The following RBMS3 variants were observed in gnomAD, a reference collection of about 807,000 sequenced individuals.
RBMS3 encodes RNA-binding motif, single-stranded-interacting protein 3.
RBMS3 carries 27 observed loss-of-function variants against 66.8 expected under a neutral mutation model. That is an observed-to-expected ratio of 0.40 (90% CI 0.30 to 0.56). The LOEUF (loss-of-function observed/expected upper bound fraction) is 0.56. Ranked by LOEUF, RBMS3 falls within the 20% of genes least tolerant of loss-of-function variation. The pLI, the probability that RBMS3 is intolerant of heterozygous loss-of-function variation, is 0.40. For missense variants in RBMS3, 513 were observed against 549.5 expected (o/e 0.93, Z 0.66); for synonymous variants, 188 against 183.0 (o/e 1.03, Z -0.22).
At chr3:29,955,451 G>T (rs1379745601) in intron 12 of RBMS3, among the ~76,000 whole-genome samples, 2 of 151,944 alleles carry the variant, frequency 1.3e-5, no homozygotes, top group African/African-American at 2.4e-5. Flanking sequence ...TAAGAGAAAT[G>T]ATATTTTTGG....
rs148653270 is a variant in RBMS3, at chr3:30,008,235, C to T, written c.*4373C>T. ...ACGACTGAGGAGAAGTTTCAATAGG[C>T]TGTCTAGACATTATGATGTTAATAG... On this transcript the variant is annotated 3_prime_UTR_variant, in exon 15 of 15. Coordinates refer to ENST00000383767, the MANE Select transcript of RBMS3 (RefSeq NM_001003793.3). 1 of 151,930 alleles carries T rather than the reference C, an allele frequency of 6.6e-6. No individual in the cohort carries two copies. The highest frequency in any genetic ancestry group is 1.5e-5 in the Non-Finnish European group (1 of 67,956). The allele number at this position is 151,930 out of a possible 1,614,324, so 9.4% of individuals were successfully genotyped here.
At chr3:29,367,039 G>GAAAAAGAC (rs1016657267) in intron 1 of RBMS3, among the ~76,000 whole-genome samples, 1 of 151,950 alleles carries the variant, frequency 6.6e-6, no homozygotes, top group African/African-American at 2.4e-5. Context: ...AACTAAAAAG[G>GAAAAAGAC]TAAAAGACTA....
chr3:29,957,742 T>C lies in RBMS3; in HGVS notation c.1098+13488T>C, dbSNP rs1205477313. Among the ~76,000 whole-genome samples, 3 of 152,220 alleles carry C rather than the reference T, an allele frequency of 2.0e-5. No individual in the cohort carries two copies. In the East Asian group the frequency reaches 5.8e-4, roughly 29 times the overall value. On this transcript the variant is annotated intron_variant, in intron 12 of 14. Transcript: ENST00000383767. ...TTCATTTATCTTACTAACATCCTCA[T>C]AATTGATTCCCCAGTGTCACCTTGT...
At chr3:29,620,835 AC>A (rs2048841884) in intron 4 of RBMS3, among the ~76,000 whole-genome samples, 1 of 152,076 alleles carries the variant, frequency 6.6e-6, no homozygotes, top group Non-Finnish European at 1.5e-5. Flanking sequence ...CTTTTTAAAA[AC>A]GTTATCTTTT....
intron 3 of RBMS3, among the ~76,000 whole-genome samples, chr3:29,505,539 T>C (rs1473468035): frequency 6.6e-6 from 1 of 151,752 alleles, no homozygotes; most frequent in Non-Finnish European, 1.5e-5. Flanking sequence ...TGTTTGTTTT[T>C]ACTCAAGATA....
In RBMS3 at chr3:29,944,387, G is replaced by A. The variant is rs548156708; in HGVS notation, c.1098+133G>A. On this transcript the variant is annotated intron_variant, in intron 12 of 14. Coordinates refer to ENST00000383767, the MANE Select transcript of RBMS3 (RefSeq NM_001003793.3). ...AGGAAATTTGAATTCCAGTTTGCAA[G>A]GGGGCATGTGTAGTTCAGAAACATA... The A allele has an allele frequency of 1.2e-4, 81 of 685,726 alleles. No individual in the cohort carries two copies. The African/African-American group carries it at 1.4e-3, about 12-fold the overall frequency. 42.5% of individuals were successfully genotyped at this position (685,726 alleles called of 1,614,324 possible).
At chr3:29,486,896 T>C (rs543006122) in intron 2 of RBMS3, among the ~76,000 whole-genome samples, 2 of 152,178 alleles carry the variant, frequency 1.3e-5, no homozygotes, top group Non-Finnish European at 2.9e-5. Context: ...GTGCCTGGTG[T>C]AAGATAGTTA....
chr3:29,682,352 A>G (rs1469816380), intron 4 of RBMS3, among the ~76,000 whole-genome samples: 1 of 152,136 alleles, frequency 6.6e-6, no homozygotes, highest in Non-Finnish European at 1.5e-5. Context: ...GACGGGTTTC[A>G]CCATGTTGGC....
At chr3:29,914,778 C>T (rs1298636856) in intron 10 of RBMS3, among the ~76,000 whole-genome samples, 1 of 151,802 alleles carries the variant, frequency 6.6e-6, no homozygotes, top group Non-Finnish European at 1.5e-5. Flanking sequence ...TCTTAGGAGC[C>T]CCCAATGAAG....
At chr3:29,425,916 G>A (rs1402514286) in intron 1 of RBMS3, among the ~76,000 whole-genome samples, 1 of 152,064 alleles carries the variant, frequency 6.6e-6, no homozygotes, top group African/African-American at 2.4e-5. Context: ...TGATCTCTGA[G>A]GTATTCCTTG....
chr3:29,611,631 A>G (rs1298090275), intron 4 of RBMS3, among the ~76,000 whole-genome samples: 2 of 152,050 alleles, frequency 1.3e-5, no homozygotes, highest in East Asian at 1.9e-4. Context: ...TAATCTTTCA[A>G]TGGATAAAGC....
intron 2 of RBMS3, among the ~76,000 whole-genome samples, chr3:29,462,781 G>C (rs762639258): frequency 3.9e-4 from 60 of 152,290 alleles, no homozygotes; most frequent in Non-Finnish European, 6.8e-4. Context: ...TTGTAAATTA[G>C]AGCTCTTTAA....
At chr3:29,523,982 C>G (rs2044973351) in intron 3 of RBMS3, among the ~76,000 whole-genome samples, 1 of 152,136 alleles carries the variant, frequency 6.6e-6, no homozygotes, top group African/African-American at 2.4e-5. Flanking sequence ...AGCAATCCTT[C>G]TAGCTCAGCC....
At chr3:29,505,005 C>G (rs1336093073) in intron 3 of RBMS3, among the ~76,000 whole-genome samples, 1 of 152,074 alleles carries the variant, frequency 6.6e-6, no homozygotes, top group Non-Finnish European at 1.5e-5. Flanking sequence ...CCGTATCAGA[C>G]ATATGTTATG....
At chr3:29,628,922 TCA>T (rs2049172698) in intron 4 of RBMS3, among the ~76,000 whole-genome samples, 1 of 152,100 alleles carries the variant, frequency 6.6e-6, no homozygotes, top group South Asian at 2.1e-4. Context: ...GTGTTTTCCC[TCA>T]CACAGTGTGC....
chr3:29,707,253 C>G (rs1052633212), intron 4 of RBMS3, among the ~76,000 whole-genome samples: 2 of 152,136 alleles, frequency 1.3e-5, no homozygotes, highest in Admixed American at 6.5e-5. Flanking sequence ...TTTAGTTTCT[C>G]TTTTACAGAT....
At chr3:29,687,642 G>A (rs758148611) in intron 4 of RBMS3, among the ~76,000 whole-genome samples, 1 of 152,158 alleles carries the variant, frequency 6.6e-6, no homozygotes, top group Non-Finnish European at 1.5e-5. Context: ...TTCGGGGTAT[G>A]CTGTGTTGGT....
intron 2 of RBMS3, among the ~76,000 whole-genome samples, chr3:29,476,139 T>A (rs2042939670): frequency 6.6e-6 from 1 of 152,192 alleles, no homozygotes; most frequent in African/African-American, 2.4e-5. Context: ...CAGAAGTCAC[T>A]GATACTTCAC....
intron 4 of RBMS3, among the ~76,000 whole-genome samples, chr3:29,688,662 A>C (rs1373395754): frequency 7.6e-6 from 1 of 132,090 alleles, no homozygotes; most frequent in Non-Finnish European, 1.5e-5. Context: ...AGCTCACTGC[A>C]ACCTCCGCCT....
Sources: gnomAD v4.1 joint callset for allele counts (sites outside exome capture counted in the v4.1 genomes callset) on GRCh38, gnomAD v4.1.1 for gene constraint, MANE v1.5 for transcripts, NCBI Gene and HGNC (gene_info 2026-07-23, HGNC 2026-07-21) for gene names.